IGF2BP3: variants seen among roughly 807,000 people sequenced by gnomAD.
The protein encoded by IGF2BP3 is insulin-like growth factor 2 mRNA-binding protein 3.
A neutral mutation model predicts 73.8 loss-of-function variants in IGF2BP3; 9 were observed. That is an observed-to-expected ratio of 0.12 (90% CI 0.07 to 0.21). The LOEUF (loss-of-function observed/expected upper bound fraction) is 0.21. IGF2BP3 is among the 10% of genes least tolerant of loss of function. IGF2BP3 has a pLI of 1.00. For missense variants in IGF2BP3, 542 were observed against 714.0 expected (o/e 0.76, Z 2.75); for synonymous variants, 258 against 256.7 (o/e 1.01, Z -0.05).
At chr7:23,409,472 G>T (rs1786947883) in intron 3 of IGF2BP3, among the ~76,000 whole-genome samples, 1 of 151,818 alleles carries the variant, frequency 6.6e-6, no homozygotes, top group Non-Finnish European at 1.5e-5. Context: ...TAAAGTTGAA[G>T]GAATAATACT....
intron 2 of IGF2BP3, among the ~76,000 whole-genome samples, chr7:23,467,124 A>G (rs2128552915): frequency 6.6e-6 from 1 of 152,328 alleles, no homozygotes; most frequent in Non-Finnish European, 1.5e-5. Flanking sequence ...CCCAACTAGA[A>G]CTAAATCTAT....
At chr7:23,397,918 C>T (rs1452028252) in intron 3 of IGF2BP3, among the ~76,000 whole-genome samples, 1 of 152,108 alleles carries the variant, frequency 6.6e-6, no homozygotes, top group Non-Finnish European at 1.5e-5. Flanking sequence ...CCGGGTGAGC[C>T]TTATGTAATC....
intron 2 of IGF2BP3, among the ~76,000 whole-genome samples, chr7:23,429,089 G>T (rs1332772686): frequency 1.3e-5 from 2 of 152,168 alleles, no homozygotes; most frequent in Admixed American, 6.5e-5. Flanking sequence ...GTCAGAAAAA[G>T]TACAGAGAGA....
At chr7:23,397,611 T>G (rs932972402) in intron 3 of IGF2BP3, among the ~76,000 whole-genome samples, 5 of 152,220 alleles carry the variant, frequency 3.3e-5, no homozygotes, top group African/African-American at 1.2e-4. Flanking sequence ...ATAGGAATGC[T>G]GCATCCCCTA....
At chr7:23,381,364 A>C (rs1785904472) in intron 3 of IGF2BP3, among the ~76,000 whole-genome samples, 1 of 152,218 alleles carries the variant, frequency 6.6e-6, no homozygotes, top group Admixed American at 6.5e-5. Context: ...CTCTAAAGTC[A>C]GTGCTCAATA....
At chr7:23,460,380 AAAT>A (rs1419537090) in intron 2 of IGF2BP3, among the ~76,000 whole-genome samples, 3 of 151,570 alleles carry the variant, frequency 2.0e-5, no homozygotes, top group Non-Finnish European at 4.4e-5. Context: ...ATACAAAAAA[AAAT>A]CAGCCAGGCA....
intron 10 of IGF2BP3, among the ~76,000 whole-genome samples, chr7:23,337,507 A>G (rs145154934): frequency 6.6e-5 from 10 of 152,296 alleles, no homozygotes; most frequent in Middle Eastern, 3.4e-3. Context: ...GCTGTCCCCA[A>G]CATGTATTTT....
intron 3 of IGF2BP3, among the ~76,000 whole-genome samples, chr7:23,417,574 C>G (rs1787228251): frequency 6.6e-6 from 1 of 152,198 alleles, no homozygotes; most frequent in African/African-American, 2.4e-5. Context: ...AACTTGGTTT[C>G]TACCATTTGG....
intron 7 of IGF2BP3, chr7:23,346,272 G>A: frequency 2.0e-6 from 1 of 492,622 alleles, no homozygotes; most frequent in Non-Finnish European, 3.6e-6. Flanking sequence ...TTCTAAAATA[G>A]TTCTTATTTT....
chr7:23,331,775 G>A (rs1784449997), intron 10 of IGF2BP3, among the ~76,000 whole-genome samples: 1 of 151,276 alleles, frequency 6.6e-6, no homozygotes, highest in South Asian at 2.1e-4. Context: ...CAGGAGAACT[G>A]CTTGAACCTG....
At chr7:23,409,920 G>A (rs1411885052) in intron 3 of IGF2BP3, among the ~76,000 whole-genome samples, 1 of 152,176 alleles carries the variant, frequency 6.6e-6, no homozygotes, top group Non-Finnish European at 1.5e-5. Flanking sequence ...TCTAATCCCA[G>A]CACTTTGGGA....
intron 9 of IGF2BP3, among the ~76,000 whole-genome samples, chr7:23,342,640 C>A (rs1444996052): frequency 6.6e-6 from 1 of 152,148 alleles, no homozygotes; most frequent in African/African-American, 2.4e-5. Flanking sequence ...GTCTAGAGGC[C>A]TCAAAGTTGA....
intron 3 of IGF2BP3, among the ~76,000 whole-genome samples, chr7:23,409,748 T>C (rs1475614751): frequency 2.0e-5 from 3 of 151,612 alleles, no homozygotes; most frequent in Admixed American, 6.5e-5. Flanking sequence ...AAATGCACCA[T>C]AGGCTTAAGA....
chr7:23,387,522 G>A (rs1786123448), intron 3 of IGF2BP3, among the ~76,000 whole-genome samples: 1 of 135,184 alleles, frequency 7.4e-6, no homozygotes, highest in Admixed American at 6.8e-5. Context: ...TGTGACAAAT[G>A]TGCCATACTC....
rs1452608941 is a variant in IGF2BP3, at chr7:23,361,750, A to AG, written c.286-10dup. On this transcript the variant is annotated splice_polypyrimidine_tract_variant and intron_variant, in intron 3 of 14. Coordinates refer to ENST00000258729, the MANE Select transcript of IGF2BP3 (RefSeq NM_006547.3). Reference sequence around the variant, plus strand: ...AGTAAACTATCCAGCACCTATCAGGAGGGGGAGAGAAAATTATAAATTTTG... The same window carrying AG: ...AGTAAACTATCCAGCACCTATCAGGAGGGGGGAGAGAAAATTATAAATTTTG... 2 of 1,597,906 alleles carry AG rather than the reference A, an allele frequency of 1.3e-6. No homozygotes were observed. The highest frequency in any genetic ancestry group is 3.6e-5 in the Admixed American group (2 of 55,910).
chr7:23,316,485 T>C (rs565495661), intron 12 of IGF2BP3, among the ~76,000 whole-genome samples: 16 of 151,978 alleles, frequency 1.1e-4, no homozygotes, highest in South Asian at 4.2e-4. Flanking sequence ...AGTTTGAGTG[T>C]GTGGCCAACA....
In IGF2BP3 at chr7:23,387,946, C is replaced by CT. The variant is rs1391561468; in HGVS notation, c.286-26206dup. 2.7e-5 allele frequency among the ~76,000 whole-genome samples: 4 copies of CT among 150,732 alleles called. No homozygotes were observed. The East Asian group carries it at 5.8e-4, about 22-fold the overall frequency. On this transcript the variant is annotated intron_variant, in intron 3 of 14. Transcript: ENST00000258729. Reference sequence around the variant, plus strand: ...TGGAAAAGTTTAGAATTTTTTTTTTCTTTTTTTTGAGATGGAGTCTCGCTC... The same window carrying CT: ...TGGAAAAGTTTAGAATTTTTTTTTTCTTTTTTTTTGAGATGGAGTCTCGCTC...
intron 3 of IGF2BP3, among the ~76,000 whole-genome samples, chr7:23,374,736 T>A (rs1170282280): frequency 1.3e-5 from 2 of 152,088 alleles, no homozygotes; most frequent in African/African-American, 2.4e-5. Flanking sequence ...AATGATTTGA[T>A]ATCGGGGGAA....
chr7:23,402,598 A>G (rs1333407689), intron 3 of IGF2BP3: 1 of 152,320 alleles, frequency 6.6e-6, no homozygotes, highest in East Asian at 1.9e-4. Context: ...GTGGGAAGAA[A>G]AAGAGTGAGA....
Sources: allele counts gnomAD v4.1 joint callset (sites outside exome capture counted in the v4.1 genomes callset), GRCh38; gene constraint gnomAD v4.1.1; transcripts MANE v1.5; gene names NCBI Gene and HGNC (gene_info 2026-07-23, HGNC 2026-07-21).